THEMIS: variants seen among roughly 807,000 people sequenced by gnomAD.
The protein encoded by THEMIS is protein THEMIS.
THEMIS carries 37 observed loss-of-function variants against 52.6 expected under a neutral mutation model. The observed-to-expected ratio is 0.70, with a 90% CI of 0.54 to 0.93. The LOEUF (loss-of-function observed/expected upper bound fraction) is 0.93, where lower values mean the gene tolerates loss of function less well. Among genes scored for constraint, THEMIS ranks in the 40% least tolerant of loss-of-function variants. THEMIS has a pLI of 0.00. For synonymous variants in THEMIS, 292 were observed against 272.7 expected (o/e 1.07, Z -0.70); for missense variants, 808 against 763.1 (o/e 1.06, Z -0.69).
At chr6:127,867,177 T>C (rs1583373309) in intron 1 of THEMIS, among the ~76,000 whole-genome samples, 1 of 151,992 alleles carries the variant, frequency 6.6e-6, no homozygotes, top group South Asian at 2.1e-4. Context: ...CAGCTGTACT[T>C]AGGCAAGTAA....
chr6:127,907,831 TTTTTATTTTA>T (rs138296033), intron 1 of THEMIS, among the ~76,000 whole-genome samples: 1 of 150,556 alleles, frequency 6.6e-6, no homozygotes, highest in Non-Finnish European at 1.5e-5. Context: ...TACATTCTTC[TTTTTATTTTA>T]TTTTATTTTA....
At chr6:127,817,539 T>G (rs13214678) in intron 3 of THEMIS, among the ~76,000 whole-genome samples, 1 of 151,946 alleles carries the variant, frequency 6.6e-6, no homozygotes, top group African/African-American at 2.4e-5. Flanking sequence ...TTCATCCAAG[T>G]TTTTTTAATA....
At chr6:127,769,361 T>TTG (rs1174565004) in intron 4 of THEMIS, among the ~76,000 whole-genome samples, 2 of 151,868 alleles carry the variant, frequency 1.3e-5, no homozygotes, top group Non-Finnish European at 2.9e-5. Context: ...TGTTTTTTTT[T>TTG]TTTGTTTTTA....
intron 2 of THEMIS, among the ~76,000 whole-genome samples, chr6:127,849,169 T>A (rs1448964484): frequency 6.6e-6 from 1 of 152,046 alleles, no homozygotes; most frequent in Non-Finnish European, 1.5e-5. Context: ...CCAGCACCAT[T>A]TATTAAATAG....
At chr6:127,788,032 GCA>G (rs771405518) in intron 4 of THEMIS, among the ~76,000 whole-genome samples, 31 of 114,538 alleles carry the variant, frequency 2.7e-4, no homozygotes, top group Non-Finnish European at 5.4e-4. Context: ...ATGTTATCCT[GCA>G]CAGACAAGAG....
intron 4 of THEMIS, among the ~76,000 whole-genome samples, chr6:127,766,256 A>G (rs1776195420): frequency 6.6e-6 from 1 of 152,182 alleles, no homozygotes; most frequent in Admixed American, 6.6e-5. Flanking sequence ...AATGCATACC[A>G]GAAATCCCCA....
intron 4 of THEMIS, among the ~76,000 whole-genome samples, chr6:127,732,009 T>G (rs1774825978): frequency 6.6e-6 from 1 of 150,528 alleles, no homozygotes; most frequent in African/African-American, 2.4e-5. Flanking sequence ...CCTGGCCATT[T>G]TTTTTTTTAA....
At chr6:127,790,980 C>A (rs189863272) in intron 4 of THEMIS, among the ~76,000 whole-genome samples, 2 of 152,326 alleles carry the variant, frequency 1.3e-5, no homozygotes, top group East Asian at 3.9e-4. Context: ...GGCATCACAG[C>A]CCTGGCTCAG....
chr6:127,710,098 C>T (rs969673331), intron 5 of THEMIS, 82 bp from the exon 6 acceptor site: 11 of 934,420 alleles, frequency 1.2e-5, no homozygotes, highest in East Asian at 2.8e-5. Flanking sequence ...CAAATACTGT[C>T]GACACTCACA....
At chr6:127,915,068 C>T (rs542097299) in intron 1 of THEMIS, among the ~76,000 whole-genome samples, 1 of 152,112 alleles carries the variant, frequency 6.6e-6, no homozygotes, top group African/African-American at 2.4e-5. Flanking sequence ...TGTAACAGTT[C>T]GTCATTGATG....
chr6:127,829,202 A>C (rs991561887), intron 3 of THEMIS, among the ~76,000 whole-genome samples: 6 of 152,228 alleles, frequency 3.9e-5, no homozygotes, highest in African/African-American at 2.4e-5. Context: ...CAGTAATAAA[A>C]ATAAATTAGT....
At chr6:127,704,861 A>C (rs1773779872), downstream of THEMIS, among the ~76,000 whole-genome samples, 1 of 152,192 alleles carries the variant, frequency 6.6e-6, no homozygotes, top group African/African-American at 2.4e-5. Context: ...TCTGTAAACA[A>C]CTAATAAAAT....
chr6:127,884,180 T>G (rs1780574364), intron 1 of THEMIS, among the ~76,000 whole-genome samples: 1 of 152,154 alleles, frequency 6.6e-6, no homozygotes, highest in South Asian at 2.1e-4. Flanking sequence ...GGTTTGTTTG[T>G]TTTGCTTTAC....
chr6:127,735,838 G>A (rs114391632), intron 4 of THEMIS, among the ~76,000 whole-genome samples: 2 of 152,166 alleles, frequency 1.3e-5, no homozygotes. Context: ...GATGATCAAT[G>A]ATTCTTCCAA....
chr6:127,850,878 T>C (rs1779398781), intron 2 of THEMIS, among the ~76,000 whole-genome samples: 1 of 151,610 alleles, frequency 6.6e-6, no homozygotes, highest in African/African-American at 2.4e-5. Context: ...ACCCTGAATC[T>C]ATGGAAATAA....
intron 4 of THEMIS, among the ~76,000 whole-genome samples, chr6:127,802,385 T>C (rs1428942624): frequency 1.3e-5 from 2 of 152,158 alleles, no homozygotes; most frequent in East Asian, 1.9e-4. Flanking sequence ...AATTTAAATG[T>C]AGTAGGAATA....
chr6:127,783,536 CA>C (rs1160958494), intron 4 of THEMIS, among the ~76,000 whole-genome samples: 1 of 152,170 alleles, frequency 6.6e-6, no homozygotes, highest in Non-Finnish European at 1.5e-5. Context: ...AACAAATTTA[CA>C]AGAAAAATCA....
intron 4 of THEMIS, among the ~76,000 whole-genome samples, chr6:127,732,444 A>G (rs190135939): frequency 3.3e-4 from 51 of 152,346 alleles, no homozygotes; most frequent in Admixed American, 2.4e-3. Context: ...TACTAAGGAC[A>G]CAGCTCAATG....
intron 4 of THEMIS, among the ~76,000 whole-genome samples, chr6:127,743,145 C>T (rs564212657): frequency 1.3e-5 from 2 of 152,126 alleles, no homozygotes; most frequent in South Asian, 2.1e-4. Flanking sequence ...AGAAATTGGT[C>T]CAAAGAACAC....
Sources: allele counts gnomAD v4.1 joint callset (sites outside exome capture counted in the v4.1 genomes callset), GRCh38; gene constraint gnomAD v4.1.1; transcripts MANE v1.5; gene names NCBI Gene and HGNC (gene_info 2026-07-23, HGNC 2026-07-21).